Variants in ERAP2 observed in about 807,000 individuals in gnomAD.
The protein encoded by ERAP2 is leukocyte-derived arginine aminopeptidase.
ERAP2 carries 118 observed loss-of-function variants against 111.1 expected under a neutral mutation model. That is an observed-to-expected ratio of 1.06 (90% CI 0.92 to 1.24). The LOEUF (loss-of-function observed/expected upper bound fraction) is 1.24. Among genes scored for constraint, ERAP2 ranks in the 50% most tolerant of loss-of-function variants. ERAP2 has a pLI of 0.00. For missense variants in ERAP2, 1,131 were observed against 1,125.8 expected (o/e 1.00, Z -0.07); for synonymous variants, 410 against 401.2 (o/e 1.02, Z -0.26).
rs1431077306 is a variant in ERAP2 at position 96,879,552 on chromosome 5, T to C, written c.-122-12T>C. The C allele has an allele frequency of 3.0e-6, 2 of 657,826 alleles. No homozygotes were observed. Among genetic ancestry groups the C allele is most frequent in the East Asian group, 5.4e-5 (2 of 36,716 alleles). 40.7% of individuals were successfully genotyped at this position (657,826 alleles called of 1,614,324 possible). Reference sequence around the variant, plus strand: ...TTTTTTGTCATGCTATAAGTGTGTTTTTTTCTTCTAGATTAAATTCATGTA... The same window carrying C: ...TTTTTTGTCATGCTATAAGTGTGTTCTTTTCTTCTAGATTAAATTCATGTA... On this transcript the variant is annotated splice_polypyrimidine_tract_variant and intron_variant, in intron 1 of 18. Transcript: ENST00000437043.
rs556097791 is a variant in ERAP2 at position 96,917,859 on chromosome 5, T to C, written c.*254T>C. 31 of 182,436 alleles carry C rather than the reference T, an allele frequency of 1.7e-4. No individual in the cohort carries two copies. The highest frequency in any genetic ancestry group is 9.9e-4 in the Admixed American group (15 of 15,124). The allele number at this position is 182,436 out of a possible 1,614,324, so 11.3% of individuals were successfully genotyped here. ...AGGTGGAGCTTGCAGTGAGCCGAGATTGCACCACTGCATTCCAGCCTGGGT... is the reference window on the plus strand; with the variant it reads ...AGGTGGAGCTTGCAGTGAGCCGAGACTGCACCACTGCATTCCAGCCTGGGT... On this transcript the variant is annotated 3_prime_UTR_variant, in exon 19 of 19. Transcript: ENST00000437043.
Position 96,886,738 on chromosome 5 carries a change from C to T in ERAP2, c.798C>T (p.Tyr266=). 3 of 1,538,660 alleles carry T rather than the reference C, an allele frequency of 1.9e-6. No homozygotes were observed. Among genetic ancestry groups the T allele is most frequent in the Non-Finnish European group, 2.7e-6 (3 of 1,128,574 alleles). The change falls in exon 4 of 19, where the codon TAC becomes TAT. Residue 266 remains tyrosine, a synonymous_variant. Transcript: ENST00000437043. ...AAATGAGTACATACCTTGTAGCCTA[C>T]ATAGTTTGTGATTTCCACTCTCTGA... ...TVKMSTYLVA[Y]IVCDFHSLSG...
intron 13 of ERAP2, 64 bp downstream of exon 13, chr5:96,903,624 T>A: frequency 7.1e-7 from 1 of 1,408,124 alleles, no homozygotes. Context: ...ATGCTAGACT[T>A]CAATATTGAA....
At chr5:96,890,029 CTG>C (rs1438505407) in intron 5 of ERAP2, among the ~76,000 whole-genome samples, 4 of 152,146 alleles carry the variant, frequency 2.6e-5, no homozygotes, top group Non-Finnish European at 5.9e-5. Context: ...GATGGTAAGA[CTG>C]TGGAACAGAT....
At chr5:96,878,285 T>G (rs947268376) in intron 1 of ERAP2, among the ~76,000 whole-genome samples, 2 of 152,162 alleles carry the variant, frequency 1.3e-5, no homozygotes, top group African/African-American at 2.4e-5. Flanking sequence ...GCTTTTGACA[T>G]ATTGAAAATA....
In ERAP2 at chr5:96,902,299, T is replaced by C. The variant is rs781566444; in HGVS notation, c.1774T>C (p.Tyr592His). 1.1e-5 allele frequency: 17 copies of C among 1,611,714 alleles called. No individual in the cohort carries two copies. The highest frequency in any genetic ancestry group is 1.4e-5 in the Non-Finnish European group (16 of 1,177,932). Residue 592 changes from tyrosine (Y) to histidine (H), a missense_variant, in exon 12 of 19, where the codon TAC becomes CAC. Physicochemically the swap from Tyr to His is moderately conservative, Grantham distance 83. Coordinates refer to ENST00000437043, the MANE Select transcript of ERAP2 (RefSeq NM_022350.5). ...GTACCTGTGGCATATCCCATTGACC[T>C]ACTCCACGAGTTCTTCTAATGTGAT... Reference protein sequence around the residue: ...ERYLWHIPLTYSTSSSNVIHR... With the variant: ...ERYLWHIPLTHSTSSSNVIHR...
In ERAP2 at chr5:96,915,767, GA is replaced by G; in HGVS notation, c.2738del (p.Glu913GlyfsTer2). On this transcript the variant is annotated frameshift_variant and splice_region_variant, in exon 18 of 19. Transcript: ENST00000437043. LOFTEE classifies it high-confidence loss of function. ...CTTTTCTTCCAAGGATAAGTTGCAAGAGGTTTGTGACTTTCTGTTTTTAACA... is the reference window on the plus strand; with the variant it reads ...CTTTTCTTCCAAGGATAAGTTGCAAGGGTTTGTGACTTTCTGTTTTTAACA... ...AHFSSKDKLQ[E>X]VKLFFESLEA... 1 of 1,597,912 alleles carries G rather than the reference GA, an allele frequency of 6.3e-7. No homozygotes were observed. The highest frequency in any genetic ancestry group is 1.3e-5 in the African/African-American group (1 of 74,234).
In ERAP2 at chr5:96,909,697, C is replaced by A; in HGVS notation, c.2287C>A (p.His763Asn). The change falls in exon 15 of 19, where the codon CAT (histidine) becomes AAT (asparagine). Residue 763 changes from histidine to asparagine, a missense_variant. By Grantham distance (68) the His-to-Asn change is moderately conservative (BLOSUM62 1). This residue lies in a region of ERAP2 where 279 missense variants were observed against 250.9 expected (regional missense o/e 1.11). Transcript: ENST00000437043. ...CTTGAAGCTGGCCTGTGACCTGAAC[C>A]ATGCTCCTTGCATCCAGAAAGCTGC... ...ALLKLACDLN[H>N]APCIQKAAEL... The A allele has an allele frequency of 1.9e-6, 3 of 1,614,194 alleles. No individual in the cohort carries two copies. The highest frequency in any genetic ancestry group is 2.5e-6 in the Non-Finnish European group (3 of 1,180,014).
chr5:96,910,437 C>T (rs1488814789), intron 15 of ERAP2, among the ~76,000 whole-genome samples: 3 of 150,740 alleles, frequency 2.0e-5, no homozygotes, highest in African/African-American at 7.3e-5. Flanking sequence ...GGGATTCAAG[C>T]CTGAAATCAG....
intron 17 of ERAP2, among the ~76,000 whole-genome samples, chr5:96,914,321 C>T (rs1787144095): frequency 6.6e-6 from 1 of 152,118 alleles, no homozygotes; most frequent in Non-Finnish European, 1.5e-5. Flanking sequence ...ATTCCTAGTT[C>T]CTTCTCTTTC....
At chr5:96,898,128 G>A (rs561511641) in intron 9 of ERAP2, among the ~76,000 whole-genome samples, 1 of 152,204 alleles carries the variant, frequency 6.6e-6, no homozygotes, top group South Asian at 2.1e-4. Flanking sequence ...CCCAGGAGCT[G>A]GAGGTTGCAG....
chr5:96,898,846 G>A (rs867624293), intron 9 of ERAP2, among the ~76,000 whole-genome samples: 5 of 152,050 alleles, frequency 3.3e-5, no homozygotes, highest in African/African-American at 9.7e-5. Flanking sequence ...CCATGCTTCC[G>A]CTTAAGCTTC....
chr5:96,900,136 G>C lies in ERAP2; in HGVS notation c.1519G>C (p.Asp507His). Residue 507 changes from aspartate (D) to histidine (H), a missense_variant, in exon 10 of 19, where the codon GAT becomes CAT. Transcript: ENST00000437043. ...SSLSNSCLES[D>H]FTSGGVCHSD... ...TGTTTTGTAGAGTTGTTTAGAAAGT[G>C]ATTTTACATCTGGTGGAGTTTGTCA... 1 of 1,613,880 alleles carries C rather than the reference G, an allele frequency of 6.2e-7. No individual in the cohort carries two copies. Among genetic ancestry groups the C allele is most frequent in the Non-Finnish European group, 8.5e-7 (1 of 1,179,878 alleles).
intron 2 of ERAP2, among the ~76,000 whole-genome samples, chr5:96,882,050 C>T (rs931147484): frequency 2.6e-5 from 4 of 152,180 alleles, no homozygotes; most frequent in African/African-American, 9.6e-5. Flanking sequence ...GCTCACTGCA[C>T]AGCCTGCAGC....
intron 6 of ERAP2, among the ~76,000 whole-genome samples, chr5:96,892,939 T>C (rs1249176905): frequency 6.6e-6 from 1 of 152,184 alleles, no homozygotes; most frequent in Non-Finnish European, 1.5e-5. Context: ...TACCTAACTC[T>C]CTGAAGTTCA....
In ERAP2 at chr5:96,900,268, C is replaced by A. The variant is rs544432059; in HGVS notation, c.1572+79C>A. 5.3e-6 allele frequency: 8 copies of A among 1,515,972 alleles called. No individual in the cohort carries two copies. The African/African-American group carries it at 8.3e-5, about 16-fold the overall frequency. The allele number at this position is 1,515,972 out of a possible 1,614,324, so 93.9% of individuals were successfully genotyped here. A position where few individuals can be genotyped will look rare whatever the true frequency, so the allele number is the denominator to read the frequency against. On this transcript the variant is annotated intron_variant, in intron 10 of 18. Transcript: ENST00000437043. The stretch of plus-strand genomic sequence containing the variant: ...AGAGTGAGTATGACATACAGAGTAG[C>A]CCACCTGTCCCTTTTAAAAGCTGGA...
At chr5:96,880,322 T>G in intron 2 of ERAP2, 62 bp downstream of exon 2, 5 of 1,425,690 alleles carry the variant, frequency 3.5e-6, no homozygotes, top group East Asian at 2.4e-5. Context: ...GTTACATCTC[T>G]TTGCCAGGAG....
At chr5:96,913,235 C>A (rs1787003090) in intron 16 of ERAP2, 82 bp from the exon 17 acceptor site, 6 of 1,107,106 alleles carry the variant, frequency 5.4e-6, no homozygotes, top group African/African-American at 1.6e-5. Context: ...CTGTTCTATT[C>A]TTTTAATATA....
At position 96,915,729 on chromosome 5, in the gene ERAP2, G is replaced by C; in HGVS notation, c.2699G>C (p.Gly900Ala). 6.3e-7 allele frequency: 1 copy of C among 1,597,452 alleles called. No individual in the cohort carries two copies. ...GSYDIRMIISGTTAHFSSKDK... is the reference protein window; with the variant it reads ...GSYDIRMIISATTAHFSSKDK... The stretch of plus-strand genomic sequence containing the variant: ...TATGACATAAGGATGATCATCTCTG[G>C]CACAACAGCTCACTTTTCTTCCAAG... Residue 900 changes from glycine (G) to alanine (A), a missense_variant, in exon 18 of 19, where the codon GGC (glycine) becomes GCC (alanine). By Grantham distance (60) the Gly-to-Ala change is moderately conservative (BLOSUM62 0). Transcript: ENST00000437043.
Sources: allele counts gnomAD v4.1 joint callset (sites outside exome capture counted in the v4.1 genomes callset), GRCh38; gene constraint gnomAD v4.1.1; regional missense constraint gnomAD v4.1.1; transcripts MANE v1.5; gene names NCBI Gene and HGNC (gene_info 2026-07-23, HGNC 2026-07-21).